The following GRID2 variants were observed in gnomAD, a reference collection of about 807,000 sequenced individuals.
GRID2 encodes glutamate receptor ionotropic, delta-2.
Under a neutral mutation model 114.8 loss-of-function variants are expected in GRID2, and 33 were observed. The observed-to-expected ratio is 0.29, with a 90% CI of 0.22 to 0.38. GRID2 has a LOEUF of 0.38. Ranked by LOEUF, GRID2 falls within the 10% of genes least tolerant of loss-of-function variation. The pLI, the probability that GRID2 is intolerant of heterozygous loss-of-function variation, is 1.00. For missense variants in GRID2, 1,184 were observed against 1,257.7 expected (o/e 0.94, Z 0.89); for synonymous variants, 505 against 449.9 (o/e 1.12, Z -1.55).
chr4:92,584,861 T>G (rs917059826), intron 1 of GRID2, among the ~76,000 whole-genome samples: 1 of 152,028 alleles, frequency 6.6e-6, no homozygotes, highest in African/African-American at 2.4e-5. Context: ...TCTTGTAACC[T>G]TTGGCTGTGT....
chr4:93,502,104 A>G (rs1728171387), intron 12 of GRID2, among the ~76,000 whole-genome samples: 1 of 152,096 alleles, frequency 6.6e-6, no homozygotes, highest in Non-Finnish European at 1.5e-5. Flanking sequence ...TGTGAAATTA[A>G]TGTGGGAAGA....
intron 14 of GRID2, among the ~76,000 whole-genome samples, chr4:93,628,635 A>G (rs1311342546): frequency 1.3e-5 from 2 of 152,212 alleles, no homozygotes; most frequent in Non-Finnish European, 2.9e-5. Context: ...GTAAAAGACC[A>G]GCAGAAATGT....
chr4:93,517,686 T>A (rs1393403917), intron 13 of GRID2, among the ~76,000 whole-genome samples: 1 of 151,870 alleles, frequency 6.6e-6, no homozygotes, highest in Non-Finnish European at 1.5e-5. Flanking sequence ...TCATTGGAGT[T>A]TCATGAAATT....
At chr4:92,319,964 G>A (rs1354309981) in intron 1 of GRID2, among the ~76,000 whole-genome samples, 1 of 152,116 alleles carries the variant, frequency 6.6e-6, no homozygotes, top group African/African-American at 2.4e-5. Context: ...AAGAAATATT[G>A]GAATACTGCA....
chr4:92,652,646 C>T lies in GRID2; in HGVS notation c.244+62360C>T, dbSNP rs144245132. On this transcript the variant is annotated intron_variant, in intron 2 of 15. Transcript: ENST00000282020. ...GCAGTGAGCTGTCATTCCCTCCAAA[C>T]TGAGTGACAGAGTGGAACACTGTCT... Among the ~76,000 whole-genome samples the T allele has an allele frequency of 2.3e-3, 313 of 133,574 alleles. 12 individuals are homozygous for T. Among genetic ancestry groups the T allele is most frequent in the Admixed American group, 6.1e-3 (82 of 13,548 alleles). The allele number at this position is 133,574 out of a possible 152,430, so 87.6% of individuals were successfully genotyped here. A position where few individuals can be genotyped will look rare whatever the true frequency, so the allele number is the denominator to read the frequency against.
chr4:93,205,011 A>C (rs953596863), intron 4 of GRID2, among the ~76,000 whole-genome samples: 1 of 152,068 alleles, frequency 6.6e-6, no homozygotes, highest in African/African-American at 2.4e-5. Flanking sequence ...CCCCTTGTAC[A>C]ACATATTTCT....
At chr4:93,101,948 C>A (rs973606778) in intron 3 of GRID2, among the ~76,000 whole-genome samples, 1 of 151,966 alleles carries the variant, frequency 6.6e-6, no homozygotes, top group Non-Finnish European at 1.5e-5. Flanking sequence ...ATTAAAATAT[C>A]ATTTCCTGTT....
rs530731984 is a variant in GRID2 at position 93,051,459 on chromosome 4, G to A, written c.245-33536G>A. On this transcript the variant is annotated intron_variant, in intron 2 of 15. Coordinates refer to ENST00000282020, the MANE Select transcript of GRID2 (RefSeq NM_001510.4). ...ACATGTCACCTCAGACCTAGACAAT[G>A]GCTCTTTTTTTGTTTCCTTTTTATC... 2.0e-5 allele frequency among the ~76,000 whole-genome samples: 3 copies of A among 152,060 alleles called. No homozygotes were observed. In the East Asian group the frequency reaches 5.8e-4, roughly 29 times the overall value.
rs80293833 is a variant in GRID2 at position 93,450,473 on chromosome 4, T to C, written c.1546-5189T>C. On this transcript the variant is annotated intron_variant, in intron 10 of 15. Transcript: ENST00000282020. ...AAATGCATACTATTAATCTTACCAA[T>C]ATAATGTTCTTAGCATTATATTCAA... Among the ~76,000 whole-genome samples, 811 of 152,012 alleles carry C rather than the reference T, an allele frequency of 5.3e-3. 6 individuals carry two copies. Among genetic ancestry groups the C allele is most frequent in the African/African-American group, 0.019 (773 of 41,536 alleles).
rs188400265 is a variant in GRID2 at position 93,088,631 on chromosome 4, C to A, written c.529+3352C>A. On this transcript the variant is annotated intron_variant, in intron 3 of 15. Coordinates refer to ENST00000282020, the MANE Select transcript of GRID2 (RefSeq NM_001510.4). The stretch of plus-strand genomic sequence containing the variant: ...GGCAAAAATATGTGAGAAACAGCCC[C>A]CCTACCAATAGACAGTGTGATCAAA... 3.7e-3 allele frequency among the ~76,000 whole-genome samples: 567 copies of A among 152,078 alleles called. 3 individuals carry two copies. The highest frequency in any genetic ancestry group is 0.013 in the African/African-American group (526 of 41,508).
At chr4:92,362,664 T>A (rs1728672960) in intron 1 of GRID2, among the ~76,000 whole-genome samples, 1 of 151,996 alleles carries the variant, frequency 6.6e-6, no homozygotes, top group Non-Finnish European at 1.5e-5. Flanking sequence ...TATTTCAAAC[T>A]AAGTTGAAAT....
At chr4:93,729,701 A>G (rs1057134748) in intron 14 of GRID2, among the ~76,000 whole-genome samples, 1 of 151,718 alleles carries the variant, frequency 6.6e-6, no homozygotes, top group Non-Finnish European at 1.5e-5. Context: ...GCCCACCACC[A>G]CACCCAGCTA....
chr4:93,455,573 AT>A (rs200285077), intron 10 of GRID2, 88 bp from the exon 11 acceptor site: 9,843 of 759,778 alleles, frequency 0.013, 148 homozygotes, highest in South Asian at 0.043. Context: ...TGAGGCATCT[AT>A]TTTTTTTTCC....
intron 3 of GRID2, among the ~76,000 whole-genome samples, chr4:93,089,600 G>A (rs980359841): frequency 6.6e-6 from 1 of 152,056 alleles, no homozygotes; most frequent in South Asian, 2.1e-4. Flanking sequence ...CTCAATAACT[G>A]TTCTTTTTTC....
chr4:92,309,730 A>G (rs910562345), intron 1 of GRID2, among the ~76,000 whole-genome samples: 4 of 151,960 alleles, frequency 2.6e-5, no homozygotes, highest in Non-Finnish European at 4.4e-5. Context: ...AACAAATTAG[A>G]TTGCTAGACC....
At chr4:93,262,560 T>G (rs1341838136) in intron 8 of GRID2, among the ~76,000 whole-genome samples, 1 of 151,992 alleles carries the variant, frequency 6.6e-6, no homozygotes, top group African/African-American at 2.4e-5. Flanking sequence ...ATCAATTGCT[T>G]CTTTTTGTCT....
intron 2 of GRID2, among the ~76,000 whole-genome samples, chr4:92,917,315 G>C (rs1043709546): frequency 1.3e-5 from 2 of 152,080 alleles, no homozygotes; most frequent in African/African-American, 4.8e-5. Context: ...TAGGTTGCCT[G>C]TTCACTCTGA....
At chr4:92,741,643 C>G (rs1264751956) in intron 2 of GRID2, among the ~76,000 whole-genome samples, 1 of 152,160 alleles carries the variant, frequency 6.6e-6, no homozygotes, top group Non-Finnish European at 1.5e-5. Context: ...CAAGCCTTTG[C>G]TCAGCTGTCT....
intron 2 of GRID2, among the ~76,000 whole-genome samples, chr4:92,638,644 T>C (rs1731190910): frequency 6.7e-6 from 1 of 149,328 alleles, no homozygotes; most frequent in Non-Finnish European, 1.5e-5. Flanking sequence ...GAAATAAGAG[T>C]GAAAGATAAT....
Sources: gnomAD v4.1 joint callset for allele counts (sites outside exome capture counted in the v4.1 genomes callset) on GRCh38, gnomAD v4.1.1 for gene constraint, MANE v1.5 for transcripts, NCBI Gene and HGNC (gene_info 2026-07-23, HGNC 2026-07-21) for gene names.